Variants in SLC19A3 observed in about 807,000 individuals in gnomAD.
The protein encoded by SLC19A3 is thiamine transporter 2.
SLC19A3 carries 31 observed loss-of-function variants against 40.2 expected under a neutral mutation model. The observed-to-expected ratio is 0.77, with a 90% CI of 0.58 to 1.04. SLC19A3 has a LOEUF of 1.04. Among genes scored for constraint, SLC19A3 ranks in the 50% least tolerant of loss-of-function variants. The probability of loss-of-function intolerance (pLI) is 0.00; values close to 1 mark genes in which losing one functional copy is unlikely to be tolerated. For missense variants in SLC19A3, 592 were observed against 596.7 expected (o/e 0.99, Z 0.08); for synonymous variants, 212 against 227.5 (o/e 0.93, Z 0.61).
chr2:227,713,843 G>C (rs1696234739), intron 1 of SLC19A3, among the ~76,000 whole-genome samples: 1 of 151,242 alleles, frequency 6.6e-6, no homozygotes, highest in Non-Finnish European at 1.5e-5. Context: ...AGAAAATAAA[G>C]CAGTCTCAAA....
chr2:227,704,062 T>C (rs1488337451), intron 1 of SLC19A3, among the ~76,000 whole-genome samples: 2 of 152,232 alleles, frequency 1.3e-5, no homozygotes, highest in Non-Finnish European at 2.9e-5. Flanking sequence ...CACCACATTG[T>C]CTTAAGTGCC....
At chr2:227,690,890 T>C in intron 4 of SLC19A3, among the ~76,000 whole-genome samples, 1 of 151,756 alleles carries the variant, frequency 6.6e-6, no homozygotes, top group Non-Finnish European at 1.5e-5. Context: ...TAAAGAAACA[T>C]CAGACTTAAT....
intron 2 of SLC19A3, chr2:227,701,014 C>G (rs1293855341): frequency 7.7e-7 from 1 of 1,304,288 alleles, no homozygotes; most frequent in East Asian, 5.5e-5. Context: ...GTTAACTGGT[C>G]CACAGTGGCT....
intron 4 of SLC19A3, among the ~76,000 whole-genome samples, chr2:227,688,533 C>T (rs547496435): frequency 6.6e-6 from 1 of 152,140 alleles, no homozygotes; most frequent in Non-Finnish European, 1.5e-5. Context: ...ACCACCAAAG[C>T]AGTAGCTCTA....
intron 3 of SLC19A3, 26 bp from the exon 4 acceptor site, chr2:227,696,107 A>G (rs1381566154): frequency 6.2e-7 from 1 of 1,609,090 alleles, no homozygotes; most frequent in South Asian, 1.1e-5. Flanking sequence ...GAAGGCAATC[A>G]AACATAATGA....
In SLC19A3 at chr2:227,703,738, C is replaced by CAAACAG. The variant is rs1695807883; in HGVS notation, c.-2-1419_-2-1418insCTGTTT. On this transcript the variant is annotated intron_variant, in intron 1 of 5. Coordinates refer to ENST00000644224, the MANE Select transcript of SLC19A3 (RefSeq NM_025243.4). This position sits in a 1 kb window ranked among gnomAD's most constrained non-coding sequence, Gnocchi z 4.7. ...CAGGTGATCACTGAGGCTTGGTCAT[C>CAAACAG]TTCTGAAGAGTGGTCTTGCTGGGGT... Among the ~76,000 whole-genome samples, 1 of 152,128 alleles carries CAAACAG rather than the reference C, an allele frequency of 6.6e-6. No individual in the cohort carries two copies. Among genetic ancestry groups the CAAACAG allele is most frequent in the Non-Finnish European group, 1.5e-5 (1 of 68,030 alleles).
chr2:227,710,097 G>A (rs1237507599), intron 1 of SLC19A3, among the ~76,000 whole-genome samples: 1 of 152,034 alleles, frequency 6.6e-6, no homozygotes, highest in Non-Finnish European at 1.5e-5. Context: ...CTGATCTGAC[G>A]GGAGACGGAG....
At position 227,710,676 on chromosome 2, in the gene SLC19A3, C is replaced by T. The variant is rs1001547273; in HGVS notation, c.-3+7267G>A. On this transcript the variant is annotated intron_variant, in intron 1 of 5. Coordinates refer to ENST00000644224, the MANE Select transcript of SLC19A3 (RefSeq NM_025243.4). ...CCCCAGTTTTTAGACTATCTATGGA[C>T]CCCACTCCAAGCTATCTTATTAGCA... Among the ~76,000 whole-genome samples, 11 of 152,096 alleles carry T rather than the reference C, an allele frequency of 7.2e-5. 1 individual carries two copies. In the East Asian group the frequency reaches 2.1e-3, roughly 29 times the overall value.
intron 1 of SLC19A3, chr2:227,706,474 T>C (rs1289478113): frequency 1.1e-6 from 1 of 925,402 alleles, no homozygotes; most frequent in Non-Finnish European, 1.3e-6. Flanking sequence ...AAACGGTAGA[T>C]TAAAAATTTT....
rs529444590 is a variant in SLC19A3 at position 227,706,627 on chromosome 2, C to T, written c.-2-4307G>A. 3.4e-4 allele frequency: 92 copies of T among 269,576 alleles called. 1 individual carries two copies. Among genetic ancestry groups the T allele is most frequent in the South Asian group, 2.7e-3 (17 of 6,320 alleles). The allele number at this position is 269,576 out of a possible 1,614,324, so 16.7% of individuals were successfully genotyped here. A position where few individuals can be genotyped will look rare whatever the true frequency, so the allele number is the denominator to read the frequency against. ...CTCTACTAATAACGCAAAAATTAGTCGGTTGCGGTGGTGGGTGCCTGTAAT... is the reference window on the plus strand; with the variant it reads ...CTCTACTAATAACGCAAAAATTAGTTGGTTGCGGTGGTGGGTGCCTGTAAT... On this transcript the variant is annotated intron_variant, in intron 1 of 5. Coordinates refer to ENST00000644224, the MANE Select transcript of SLC19A3 (RefSeq NM_025243.4).
Position 227,687,577 on chromosome 2 carries a change from G to A in SLC19A3, c.1315-4C>T. ...AATAGCTCCCATAAACTAAAAACTG[G>A]AGAAAAACAAATAATTAGCCACATA... On this transcript the variant is annotated splice_polypyrimidine_tract_variant and splice_region_variant and intron_variant, in intron 5 of 5. Coordinates refer to ENST00000644224, the MANE Select transcript of SLC19A3 (RefSeq NM_025243.4). 1.2e-6 allele frequency: 2 copies of A among 1,613,336 alleles called. No homozygotes were observed. The highest frequency in any genetic ancestry group is 1.7e-6 in the Non-Finnish European group (2 of 1,179,634).
At chr2:227,693,045 A>G (rs1695290579) in intron 4 of SLC19A3, among the ~76,000 whole-genome samples, 2 of 152,054 alleles carry the variant, frequency 1.3e-5, no homozygotes, top group South Asian at 4.1e-4. Context: ...ATTGAAGAGG[A>G]CACACACACA....
Position 227,687,315 on chromosome 2 carries a change from C to T in SLC19A3, c.*82G>A. The T allele has an allele frequency of 1.4e-6, 2 of 1,418,246 alleles. No individual in the cohort carries two copies. Among genetic ancestry groups the T allele is most frequent in the Non-Finnish European group, 1.9e-6 (2 of 1,040,542 alleles). 87.9% of individuals were successfully genotyped at this position (1,418,246 alleles called of 1,614,324 possible). ...ATTTGCAAAGCATGTCAAGTTATGG[C>T]AAAACATATGCCACCCATCTCAAAA... On this transcript the variant is annotated 3_prime_UTR_variant, in exon 6 of 6. Coordinates refer to ENST00000644224, the MANE Select transcript of SLC19A3 (RefSeq NM_025243.4).
At chr2:227,692,945 A>T (rs1204347575) in intron 4 of SLC19A3, among the ~76,000 whole-genome samples, 1 of 152,322 alleles carries the variant, frequency 6.6e-6, no homozygotes, top group African/African-American at 2.4e-5. Context: ...AAGTAATCCT[A>T]TTTACAATAG....
intron 1 of SLC19A3, among the ~76,000 whole-genome samples, chr2:227,711,137 G>C (rs1696120894): frequency 6.6e-6 from 1 of 152,162 alleles, no homozygotes; most frequent in Non-Finnish European, 1.5e-5. Flanking sequence ...GTGGGTGGTG[G>C]CCAGGCGCGG....
chr2:227,698,707 C>T, intron 3 of SLC19A3, 29 bp downstream of exon 3: 1 of 1,594,706 alleles, frequency 6.3e-7, no homozygotes, highest in Non-Finnish European at 8.6e-7. Context: ...GTAAAGCCAA[C>T]AAAGGAAGAT....
rs947854574 is a variant in SLC19A3, at chr2:227,687,627, G to T, written c.1315-54C>A. ...ATAAAATATGACCATCTATGTCAAT[G>T]ATAATACATCCTAATACTGTTGGTT... On this transcript the variant is annotated intron_variant, in intron 5 of 5. Coordinates refer to ENST00000644224, the MANE Select transcript of SLC19A3 (RefSeq NM_025243.4). The T allele has an allele frequency of 1.7e-4, 259 of 1,569,080 alleles. 1 individual carries two copies. The highest frequency in any genetic ancestry group is 2.4e-4 in the Admixed American group (14 of 58,432).
At chr2:227,714,805 C>CT (rs869073195) in intron 1 of SLC19A3, among the ~76,000 whole-genome samples, 11,169 of 79,952 alleles carry the variant, frequency 0.14, 1,691 homozygotes, top group East Asian at 0.71. Flanking sequence ...CCTGACTATT[C>CT]TTTTTTTTTT....
At chr2:227,708,549 C>T (rs906654076) in intron 1 of SLC19A3, among the ~76,000 whole-genome samples, 1 of 143,480 alleles carries the variant, frequency 7.0e-6, no homozygotes, top group Non-Finnish European at 1.5e-5. Context: ...CATAGTGAGA[C>T]CCTGTCTCTA....
Sources: gnomAD v4.1 joint callset for allele counts (sites outside exome capture counted in the v4.1 genomes callset) on GRCh38, gnomAD v4.1.1 for gene constraint, Gnocchi (gnomAD v3.1) non-coding constraint, MANE v1.5 for transcripts, NCBI Gene and HGNC (gene_info 2026-07-23, HGNC 2026-07-21) for gene names.